BCHE: variants seen among roughly 807,000 people sequenced by gnomAD.
The protein encoded by BCHE is cholinesterase.
A neutral mutation model predicts 51.3 loss-of-function variants in BCHE; 48 were observed. The ratio of observed to expected loss-of-function variants is 0.94; its 90% CI spans 0.74 to 1.19. The LOEUF is 1.19. Ranked by LOEUF, BCHE falls within the 50% of genes most tolerant of loss-of-function variation. The pLI is 0.00. For synonymous variants in BCHE, 251 were observed against 238.0 expected, an observed-to-expected ratio of 1.05 and a Z score of -0.50; for missense variants, 847 against 708.2, an observed-to-expected ratio of 1.20 and a Z score of -2.23.
intron 3 of BCHE, among the ~76,000 whole-genome samples, chr3:165,774,308 C>T (rs1403471911): frequency 6.6e-6 from 1 of 151,714 alleles, no homozygotes; most frequent in Non-Finnish European, 1.5e-5. Context: ...AGATTTTACC[C>T]TTATTATAAT....
Position 165,830,977 on chromosome 3 carries a change from G to A in BCHE, c.57C>T (p.Leu19=), listed in dbSNP as rs1714954832. The change falls in exon 2 of 4, where the codon CTC becomes CTT. Residue 19 remains leucine, a synonymous_variant. Coordinates refer to ENST00000264381, the MANE Select transcript of BCHE (RefSeq NM_000055.4). ...TATGTGACTTCCCAATAAGCATGCA[G>A]AGCAAAAGAAACCAAAAGAGAAATC... ...CIRFLFWFLL[L]CMLIGKSHTE... 1.2e-6 allele frequency: 2 copies of A among 1,613,746 alleles called. No homozygotes were observed. Among genetic ancestry groups the A allele is most frequent in the African/African-American group, 2.7e-5 (2 of 75,020 alleles).
At chr3:165,832,567 C>T (rs1285622635) in intron 1 of BCHE, among the ~76,000 whole-genome samples, 1 of 152,122 alleles carries the variant, frequency 6.6e-6, no homozygotes. Flanking sequence ...GCTGGGATTA[C>T]AGGCATGAGC....
chr3:165,831,208 T>C (rs1714973981), intron 1 of BCHE, among the ~76,000 whole-genome samples, 167 bp from the exon 2 acceptor site: 3 of 152,042 alleles, frequency 2.0e-5, no homozygotes, highest in Admixed American at 2.0e-4. Flanking sequence ...AAAACAGAGA[T>C]ATTTTAGTTT....
intron 3 of BCHE, among the ~76,000 whole-genome samples, chr3:165,783,274 G>C (rs188155045): frequency 1.3e-4 from 20 of 151,938 alleles, no homozygotes; most frequent in African/African-American, 4.8e-4. Context: ...TTTGAGCATG[G>C]GGTAAGAACA....
intron 3 of BCHE, among the ~76,000 whole-genome samples, chr3:165,785,617 G>A (rs189674884): frequency 1.5e-4 from 22 of 150,958 alleles, no homozygotes; most frequent in Middle Eastern, 3.4e-3. Flanking sequence ...TGTAATGTGC[G>A]TGTGTGCTCT....
chr3:165,801,251 T>G (rs2108214170), intron 2 of BCHE, among the ~76,000 whole-genome samples: 1 of 152,344 alleles, frequency 6.6e-6, no homozygotes, highest in South Asian at 2.1e-4. Context: ...CACAGGATTT[T>G]GTTTCTTCTG....
At chr3:165,804,700 G>T (rs1326383424) in intron 2 of BCHE, among the ~76,000 whole-genome samples, 1 of 152,168 alleles carries the variant, frequency 6.6e-6, no homozygotes, top group African/African-American at 2.4e-5. Context: ...TGAGTTTTGG[G>T]AAGACAGAAC....
chr3:165,798,258 T>C (rs1713496926), intron 2 of BCHE, among the ~76,000 whole-genome samples: 1 of 152,168 alleles, frequency 6.6e-6, no homozygotes, highest in African/African-American at 2.4e-5. Flanking sequence ...AAATGAAAAA[T>C]CAAAGTGTGT....
intron 3 of BCHE, among the ~76,000 whole-genome samples, chr3:165,774,605 G>T (rs1426899615): frequency 6.6e-6 from 1 of 152,158 alleles, no homozygotes; most frequent in South Asian, 2.1e-4. Flanking sequence ...CTCCCAAAGT[G>T]CTGGGAATAG....
intron 1 of BCHE, among the ~76,000 whole-genome samples, chr3:165,834,928 T>A (rs1349857684): frequency 1.3e-5 from 2 of 151,976 alleles, no homozygotes; most frequent in Non-Finnish European, 2.9e-5. Flanking sequence ...ATAAACATTA[T>A]CATAAAAATG....
In BCHE at chr3:165,798,606, A is replaced by G. The variant is rs115715193; in HGVS notation, c.1518-12295T>C. 8.9e-3 allele frequency among the ~76,000 whole-genome samples: 1,355 copies of G among 152,298 alleles called. 3 individuals carry two copies. Among genetic ancestry groups the G allele is most frequent in the Non-Finnish European group, 0.013 (912 of 68,028 alleles). On this transcript the variant is annotated intron_variant, in intron 2 of 3. Coordinates refer to ENST00000264381, the MANE Select transcript of BCHE (RefSeq NM_000055.4). ...TTCAAATCTCAAAGCCTACAATGTC[A>G]AAAACATAAATCTGGTGTTTTAATG...
At position 165,830,550 on chromosome 3, in the gene BCHE, C is replaced by A; in HGVS notation, c.484G>T (p.Ala162Ser). The A allele has an allele frequency of 6.2e-7, 1 of 1,613,906 alleles. No individual in the cohort carries two copies. The highest frequency in any genetic ancestry group is 8.5e-7 in the Non-Finnish European group (1 of 1,179,922). The change falls in exon 2 of 4, where the codon GCT (alanine) becomes TCT (serine). Residue 162 changes from alanine (A) to serine (S), a missense_variant. Physicochemically the swap from Ala to Ser is moderately conservative, Grantham distance 99 (BLOSUM62 1). Coordinates refer to ENST00000264381, the MANE Select transcript of BCHE (RefSeq NM_000055.4). Reference sequence around the variant, plus strand: ...ACTACAATAACTCTTTCAACCCGAGCCAGAAACTTGCCATCATAAACATGT... The same window carrying A: ...ACTACAATAACTCTTTCAACCCGAGACAGAAACTTGCCATCATAAACATGT... ...SLHVYDGKFL[A>S]RVERVIVVSM...
intron 2 of BCHE, among the ~76,000 whole-genome samples, chr3:165,823,057 G>A (rs1169892057): frequency 1.3e-5 from 2 of 152,024 alleles, no homozygotes; most frequent in Non-Finnish European, 2.9e-5. Flanking sequence ...CATTTCTACA[G>A]GTAGCATTAG....
rs917562216 is a variant in BCHE at position 165,814,524 on chromosome 3, C to T, written c.1517+14993G>A. Among the ~76,000 whole-genome samples, 5 of 152,076 alleles carry T rather than the reference C, an allele frequency of 3.3e-5. No individual in the cohort carries two copies. The South Asian group carries it at 8.3e-4, about 25-fold the overall frequency. ...ACTAATACTTACTGGAAACCTGAAA[C>T]GTGCATGCTGAGCCCTGCCTAGCCA... On this transcript the variant is annotated intron_variant, in intron 2 of 3. Coordinates refer to ENST00000264381, the MANE Select transcript of BCHE (RefSeq NM_000055.4).
At chr3:165,800,275 T>C (rs1713587340) in intron 2 of BCHE, among the ~76,000 whole-genome samples, 1 of 152,162 alleles carries the variant, frequency 6.6e-6, no homozygotes, top group African/African-American at 2.4e-5. Context: ...TTCTGTTTTT[T>C]CACTTTTAAT....
chr3:165,828,964 T>A (rs1168840344), intron 2 of BCHE, among the ~76,000 whole-genome samples: 1 of 151,986 alleles, frequency 6.6e-6, no homozygotes, highest in Non-Finnish European at 1.5e-5. Context: ...CTGCCTCAAA[T>A]CTGATCAGGC....
rs190055054 is a variant in BCHE at position 165,813,367 on chromosome 3, G to A, written c.1517+16150C>T. On this transcript the variant is annotated intron_variant, in intron 2 of 3. Transcript: ENST00000264381. ...TTCCTTATTAAATGAATAATATCTCGTTCTAAAATTACTAAATATTGCATT... is the reference window on the plus strand; with the variant it reads ...TTCCTTATTAAATGAATAATATCTCATTCTAAAATTACTAAATATTGCATT... Among the ~76,000 whole-genome samples, 563 of 151,190 alleles carry A rather than the reference G, an allele frequency of 3.7e-3. 4 individuals carry two copies. The highest frequency in any genetic ancestry group is 9.6e-3 in the South Asian group (46 of 4,776).
At chr3:165,809,400 A>T (rs192011488) in intron 2 of BCHE, among the ~76,000 whole-genome samples, 6 of 152,172 alleles carry the variant, frequency 3.9e-5, no homozygotes, top group Admixed American at 3.3e-4. Flanking sequence ...TTGAATGTTC[A>T]TGTGTTTTTT....
intron 2 of BCHE, among the ~76,000 whole-genome samples, chr3:165,811,772 T>C (rs1183530389): frequency 2.0e-5 from 3 of 152,028 alleles, no homozygotes; most frequent in Non-Finnish European, 2.9e-5. Context: ...ACAGAAATAT[T>C]ATTAATAATA....
Sources: gnomAD v4.1 joint callset for allele counts (sites outside exome capture counted in the v4.1 genomes callset) on GRCh38, gnomAD v4.1.1 for gene constraint, MANE v1.5 for transcripts, NCBI Gene and HGNC (gene_info 2026-07-23, HGNC 2026-07-21) for gene names.